Variants in SOHLH2 observed in about 807,000 individuals in gnomAD.
SOHLH2 encodes the protein spermatogenesis- and oogenesis-specific basic helix-loop-helix-containing protein 2.
SOHLH2 carries 22 observed loss-of-function variants against 50.4 expected under a neutral mutation model. The observed-to-expected ratio is 0.44, with a 90% confidence interval of 0.31 to 0.62. SOHLH2 has a LOEUF of 0.62. Among genes scored for constraint, SOHLH2 ranks in the 20% least tolerant of loss-of-function variants. SOHLH2 has a pLI of 0.08. For synonymous variants in SOHLH2, 185 were observed against 187.3 expected (o/e 0.99, Z 0.10); for missense variants, 412 against 504.4 (o/e 0.82, Z 1.76).
chr13:36,174,371 C>T, intron 8 of SOHLH2, 105 bp downstream of exon 8: 4 of 1,464,246 alleles, frequency 2.7e-6, no homozygotes, highest in South Asian at 1.3e-5. Context: ...CCTTAATAAG[C>T]CCCTGCACTT....
At chr13:36,212,117 G>C (rs1869164067) in intron 1 of SOHLH2, among the ~76,000 whole-genome samples, 1 of 152,176 alleles carries the variant, frequency 6.6e-6, no homozygotes, top group Non-Finnish European at 1.5e-5. Flanking sequence ...TGCATAGTGG[G>C]AAGTCGGGAG....
In SOHLH2 at chr13:36,174,035, A is replaced by C. The variant is rs57405663; in HGVS notation, c.882-225T>G. ...TTCTCTTTGTTTACATATTCTGATCAATCTAGAGAAGAAAGTAATCATTTG... is the reference window on the plus strand; with the variant it reads ...TTCTCTTTGTTTACATATTCTGATCCATCTAGAGAAGAAAGTAATCATTTG... On this transcript the variant is annotated intron_variant, in intron 8 of 10. Transcript: ENST00000379881. 2.9e-3 allele frequency among the ~76,000 whole-genome samples: 437 copies of C among 152,326 alleles called. 2 individuals carry two copies. Among genetic ancestry groups the C allele is most frequent in the African/African-American group, 0.01 (423 of 41,578 alleles).
intron 1 of SOHLH2, among the ~76,000 whole-genome samples, chr13:36,208,677 A>T (rs1342635049): frequency 6.6e-6 from 1 of 152,200 alleles, no homozygotes; most frequent in African/African-American, 2.4e-5. Flanking sequence ...TGAGTCTCAC[A>T]GTTTCTTGTA....
intron 6 of SOHLH2, among the ~76,000 whole-genome samples, chr13:36,181,379 G>A (rs1408427801): frequency 6.6e-6 from 1 of 151,796 alleles, no homozygotes; most frequent in Non-Finnish European, 1.5e-5. Context: ...TCCCTCTGTA[G>A]TCTCTTTTGC....
chr13:36,192,280 A>T (rs9575542), intron 4 of SOHLH2, among the ~76,000 whole-genome samples: 22,637 of 152,082 alleles, frequency 0.15, 2,043 homozygotes, highest in African/African-American at 0.24. Context: ...TCTGAAAAAA[A>T]TTTTTTCCTT....
At chr13:36,178,457 G>C (rs1321036964) in intron 6 of SOHLH2, among the ~76,000 whole-genome samples, 1 of 152,110 alleles carries the variant, frequency 6.6e-6, no homozygotes, top group Non-Finnish European at 1.5e-5. Flanking sequence ...CCAGTGCTGG[G>C]CTATTGTGTT....
chr13:36,173,196 G>A (rs1227326895), intron 9 of SOHLH2, among the ~76,000 whole-genome samples: 1 of 152,166 alleles, frequency 6.6e-6, no homozygotes, highest in African/African-American at 2.4e-5. Context: ...TGCCTTCATG[G>A]AGGTGACATT....
intron 5 of SOHLH2, 117 bp downstream of exon 5, chr13:36,191,678 C>T (rs2138298465): frequency 8.6e-7 from 1 of 1,162,210 alleles, no homozygotes; most frequent in Non-Finnish European, 1.2e-6. Context: ...TGTGTACCCA[C>T]AGTGCCAGCT....
chr13:36,176,598 AAT>A (rs150726023), intron 6 of SOHLH2, among the ~76,000 whole-genome samples: 4 of 151,460 alleles, frequency 2.6e-5, no homozygotes, highest in Admixed American at 6.6e-5. Flanking sequence ...TATGTTTTAT[AAT>A]ATATATATAT....
intron 1 of SOHLH2, among the ~76,000 whole-genome samples, chr13:36,207,433 A>G (rs578031257): frequency 1.7e-4 from 26 of 151,834 alleles, no homozygotes; most frequent in African/African-American, 6.0e-4. Context: ...TTGTCTTTTT[A>G]TTTGGAATTA....
intron 1 of SOHLH2, among the ~76,000 whole-genome samples, chr13:36,208,687 A>T (rs913158242): frequency 6.6e-6 from 1 of 152,148 alleles, no homozygotes; most frequent in Admixed American, 6.6e-5. Context: ...AGTTTCTTGT[A>T]TCTCATATTT....
chr13:36,172,675 T>C (rs1252395686), intron 9 of SOHLH2, among the ~76,000 whole-genome samples: 1 of 152,212 alleles, frequency 6.6e-6, no homozygotes, highest in Non-Finnish European at 1.5e-5. Flanking sequence ...CTTTTATTCA[T>C]CTTTGTGTCC....
intron 5 of SOHLH2, among the ~76,000 whole-genome samples, chr13:36,190,535 C>T (rs1284551173): frequency 6.6e-6 from 1 of 152,186 alleles, no homozygotes; most frequent in African/African-American, 2.4e-5. Flanking sequence ...TTTTGCAGAA[C>T]TTCTTCAGGC....
At chr13:36,170,380 C>T in intron 10 of SOHLH2, 151 bp downstream of exon 10, 1 of 1,348,812 alleles carries the variant, frequency 7.4e-7, no homozygotes, top group Non-Finnish European at 9.8e-7. Context: ...TTGACTGCAC[C>T]TCCTTTTCAC....
chr13:36,200,589 A>G (rs948010106), intron 2 of SOHLH2, among the ~76,000 whole-genome samples: 4 of 152,220 alleles, frequency 2.6e-5, no homozygotes, highest in Non-Finnish European at 4.4e-5. Context: ...AGAAGCTCTC[A>G]TATGTTCCAA....
At chr13:36,209,706 C>G (rs1868996085) in intron 1 of SOHLH2, among the ~76,000 whole-genome samples, 1 of 152,236 alleles carries the variant, frequency 6.6e-6, no homozygotes, top group Non-Finnish European at 1.5e-5. Context: ...ATTCAGACTA[C>G]AGCACCTTAA....
chr13:36,179,540 C>T (rs759657047), intron 6 of SOHLH2, among the ~76,000 whole-genome samples: 9 of 152,024 alleles, frequency 5.9e-5, no homozygotes, highest in East Asian at 1.9e-4. Flanking sequence ...TCACGAGTAG[C>T]GGAGATTACA....
intron 6 of SOHLH2, among the ~76,000 whole-genome samples, chr13:36,178,820 G>GTT (rs748848806): frequency 4.0e-4 from 51 of 127,280 alleles, no homozygotes; most frequent in South Asian, 1.7e-3. Flanking sequence ...CAGATCATTT[G>GTT]TTTTTTTTTT....
intron 1 of SOHLH2, among the ~76,000 whole-genome samples, chr13:36,205,022 G>A (rs1251565041): frequency 3.3e-5 from 5 of 152,106 alleles, no homozygotes; most frequent in Admixed American, 1.3e-4. Flanking sequence ...TCAACCTTTG[G>A]AGGTCACTGT....
Sources: gnomAD v4.1 joint callset for allele counts (sites outside exome capture counted in the v4.1 genomes callset) on GRCh38, gnomAD v4.1.1 for gene constraint, MANE v1.5 for transcripts, NCBI Gene and HGNC (gene_info 2026-07-23, HGNC 2026-07-21) for gene names.